SPTBN1: variants seen among roughly 807,000 people sequenced by gnomAD.
SPTBN1 encodes spectrin beta, non-erythrocytic 1.
SPTBN1 carries 32 observed loss-of-function variants against 266.4 expected under a neutral mutation model. That is an observed-to-expected ratio of 0.12 (90% CI 0.09 to 0.16). The LOEUF is 0.16. Ranked by LOEUF, SPTBN1 falls within the 10% of genes least tolerant of loss-of-function variation. The pLI is 1.00. For synonymous variants in SPTBN1, 1,336 were observed against 1,162.2 expected (o/e 1.15, Z -3.04); for missense variants, 2,296 against 3,067.1 (o/e 0.75, Z 5.94).
chr2:54,599,207 C>G lies in SPTBN1; in HGVS notation c.264C>G (p.Leu88=), dbSNP rs1484220985. The G allele has an allele frequency of 1.2e-6, 2 of 1,614,156 alleles. No homozygotes were observed. Among genetic ancestry groups the G allele is most frequent in the South Asian group, 2.2e-5 (2 of 91,074 alleles). Residue 88 remains leucine (L), a synonymous_variant, in exon 3 of 36, where the codon CTC becomes CTG. Coordinates refer to ENST00000356805, the MANE Select transcript of SPTBN1 (RefSeq NM_003128.3). The part of the protein sequence containing the change: ...LYTDLRDGRM[L]IKLLEVLSGE... ...CTGACCTTCGAGATGGACGGATGCTCATCAAGCTGCTGGAGGTCCTCTCTG... is the reference window on the plus strand; with the variant it reads ...CTGACCTTCGAGATGGACGGATGCTGATCAAGCTGCTGGAGGTCCTCTCTG...
At chr2:54,607,820 A>T (rs1226302879) in intron 3 of SPTBN1, among the ~76,000 whole-genome samples, 1 of 152,200 alleles carries the variant, frequency 6.6e-6, no homozygotes, top group African/African-American at 2.4e-5. Flanking sequence ...GCCTCTGCAC[A>T]TAATCTTATT....
At position 54,581,577 on chromosome 2, in the gene SPTBN1, C is replaced by CTTTTTTTTTTTTTTTTTT. The variant is rs70944181; in HGVS notation, c.149-17509_149-17492dup. The stretch of plus-strand genomic sequence containing the variant: ...GCCTTCATGCTTTGGTTTCTTTGCC[C>CTTTTTTTTTTTTTTTTTT]TTTTTTTTTTTTTTTTTTTTTTTGA... On this transcript the variant is annotated intron_variant, in intron 2 of 35. Transcript: ENST00000356805. 4.8e-3 allele frequency among the ~76,000 whole-genome samples: 491 copies of CTTTTTTTTTTTTTTTTTT among 102,462 alleles called. 2 individuals carry two copies. The highest frequency in any genetic ancestry group is 6.3e-3 in the Admixed American group (57 of 8,982). 67.2% of individuals were successfully genotyped at this position (102,462 alleles called of 152,430 possible).
chr2:54,596,193 G>A (rs1408266647), intron 2 of SPTBN1, among the ~76,000 whole-genome samples: 1 of 152,168 alleles, frequency 6.6e-6, no homozygotes, highest in Non-Finnish European at 1.5e-5. Flanking sequence ...AGGGCCTCCT[G>A]CTCCTCCTCA....
chr2:54,641,001 T>G (rs1679501424), intron 18 of SPTBN1, among the ~76,000 whole-genome samples: 1 of 152,268 alleles, frequency 6.6e-6, no homozygotes, highest in South Asian at 2.1e-4. Flanking sequence ...ATGTGTCTGG[T>G]ACAGGGATGT....
intron 3 of SPTBN1, 104 bp from the exon 4 acceptor site, chr2:54,612,057 C>A: frequency 1.8e-6 from 2 of 1,110,950 alleles, no homozygotes; most frequent in South Asian, 1.6e-5. Context: ...CTGCTCTGAG[C>A]GGGAGAGCAT....
rs568860063 is a variant in SPTBN1 at position 54,480,382 on chromosome 2, C to G, written c.-48+23864C>G. On this transcript the variant is annotated intron_variant, in intron 1 of 35. Coordinates refer to ENST00000356805, the MANE Select transcript of SPTBN1 (RefSeq NM_003128.3). Reference sequence around the variant, plus strand: ...AAAACAAAATCAAACAAAAAAGAAGCCAGAATGCCTGGTTAAATTTTAATT... The same window carrying G: ...AAAACAAAATCAAACAAAAAAGAAGGCAGAATGCCTGGTTAAATTTTAATT... Among the ~76,000 whole-genome samples the G allele has an allele frequency of 2.9e-3, 442 of 152,230 alleles. 1 individual carries two copies. The highest frequency in any genetic ancestry group is 4.5e-3 in the Admixed American group (69 of 15,294).
chr2:54,461,299 A>G (rs1373935523), intron 1 of SPTBN1, among the ~76,000 whole-genome samples: 1 of 152,094 alleles, frequency 6.6e-6, no homozygotes, highest in Non-Finnish European at 1.5e-5. Flanking sequence ...ATTCAGTTTC[A>G]CCTGCTGTAT....
At chr2:54,585,014 G>T (rs907401228) in intron 2 of SPTBN1, among the ~76,000 whole-genome samples, 1 of 152,156 alleles carries the variant, frequency 6.6e-6, no homozygotes, top group Admixed American at 6.5e-5. Flanking sequence ...TATGGGAAGA[G>T]ATTTACATTT....
At chr2:54,466,860 C>G (rs987456779) in intron 1 of SPTBN1, among the ~76,000 whole-genome samples, 1 of 152,088 alleles carries the variant, frequency 6.6e-6, no homozygotes, top group East Asian at 1.9e-4. Flanking sequence ...ACCAAACTTA[C>G]GGAAAAGCAG....
At position 54,626,317 on chromosome 2, in the gene SPTBN1, G is replaced by A. The variant is rs149928797; in HGVS notation, c.1644+83G>A. ...TGTGACTCATTCACTAAACCCCTACGTACAGCTGTGTGCCTTGTCTAACTG... is the reference window on the plus strand; with the variant it reads ...TGTGACTCATTCACTAAACCCCTACATACAGCTGTGTGCCTTGTCTAACTG... On this transcript the variant is annotated intron_variant, in intron 12 of 35. Coordinates refer to ENST00000356805, the MANE Select transcript of SPTBN1 (RefSeq NM_003128.3). The surrounding 1 kb of genome is among the most constrained non-coding windows in gnomAD (Gnocchi z 4.7). The A allele has an allele frequency of 1.1e-5, 16 of 1,467,582 alleles. No individual in the cohort carries two copies. The South Asian group carries it at 1.1e-4, about 10-fold the overall frequency. The allele number at this position is 1,467,582 out of a possible 1,614,324, so 90.9% of individuals were successfully genotyped here.
intron 26 of SPTBN1, among the ~76,000 whole-genome samples, chr2:54,650,227 C>T (rs1399887856): frequency 6.6e-6 from 1 of 152,134 alleles, no homozygotes; most frequent in Non-Finnish European, 1.5e-5. Context: ...AATAAATAAA[C>T]CAGATGCATA....
At chr2:54,612,627 G>T (rs1335335218) in intron 4 of SPTBN1, among the ~76,000 whole-genome samples, 1 of 152,188 alleles carries the variant, frequency 6.6e-6, no homozygotes, top group African/African-American at 2.4e-5. Context: ...CACTTTGCTG[G>T]CACCTGCTCT....
intron 2 of SPTBN1, among the ~76,000 whole-genome samples, chr2:54,551,619 G>C (rs1173009900): frequency 6.6e-6 from 1 of 152,144 alleles, no homozygotes; most frequent in East Asian, 1.9e-4. Flanking sequence ...ATTCAGGTCT[G>C]ATATGACCAG....
At chr2:54,590,583 A>G (rs1173604394) in intron 2 of SPTBN1, among the ~76,000 whole-genome samples, 1 of 152,252 alleles carries the variant, frequency 6.6e-6, no homozygotes, top group Non-Finnish European at 1.5e-5. Flanking sequence ...ATGATTGCTG[A>G]CATCTGATAG....
rs1425687473 is a variant in SPTBN1 at position 54,657,834 on chromosome 2, A to G, written c.6047-16A>G. 6.2e-7 allele frequency: 1 copy of G among 1,613,880 alleles called. No homozygotes were observed. The highest frequency in any genetic ancestry group is 8.5e-7 in the Non-Finnish European group (1 of 1,179,908). On this transcript the variant is annotated splice_polypyrimidine_tract_variant and intron_variant, in intron 29 of 35. Transcript: ENST00000356805. ...CCTCCTGGTCAACGTGTACTAACTCATGGTACCCTGTGCAGTTCTGGAGGT... is the reference window on the plus strand; with the variant it reads ...CCTCCTGGTCAACGTGTACTAACTCGTGGTACCCTGTGCAGTTCTGGAGGT...
intron 2 of SPTBN1, among the ~76,000 whole-genome samples, chr2:54,588,747 G>A (rs1250489731): frequency 6.6e-6 from 1 of 152,188 alleles, no homozygotes; most frequent in African/African-American, 2.4e-5. Context: ...AGGTTAATGG[G>A]CTCAGGATAT....
rs1310554691 is a variant in SPTBN1, at chr2:54,649,857, G to T, written c.5445G>T (p.Lys1815Asn). 1 of 1,614,230 alleles carries T rather than the reference G, an allele frequency of 6.2e-7. No individual in the cohort carries two copies. The highest frequency in any genetic ancestry group is 1.7e-5 in the Admixed American group (1 of 60,020). ...YELHKFYHDA[K>N]EIFGRIQDKH... ...TGCACAAGTTTTACCACGATGCCAA[G>T]GAGATCTTTGGGCGTATACAGGACA... The change falls in exon 26 of 36, where the codon AAG becomes AAT. Residue 1815 changes from lysine to asparagine, a missense_variant. This residue lies in a region of SPTBN1 where 644 missense variants were observed against 745.3 expected (regional missense o/e 0.86). Coordinates refer to ENST00000356805, the MANE Select transcript of SPTBN1 (RefSeq NM_003128.3). The surrounding 1 kb of genome is among the most constrained non-coding windows in gnomAD (Gnocchi z 6.7).
At chr2:54,641,993 A>T (rs1679597572) in intron 18 of SPTBN1, among the ~76,000 whole-genome samples, 1 of 152,200 alleles carries the variant, frequency 6.6e-6, no homozygotes, top group Admixed American at 6.5e-5. Flanking sequence ...TCTCACGGTC[A>T]CTCAGGAGAA....
Position 54,520,808 on chromosome 2 carries a change from G to A in SPTBN1, c.-47-5564G>A, listed in dbSNP as rs570087061. ...TTTATTCATTCAAAAGTTATTTAAC[G>A]AGCTCCTACTGTGGTGAGCAAGTCC... On this transcript the variant is annotated intron_variant, in intron 1 of 35. Transcript: ENST00000356805. Among the ~76,000 whole-genome samples, 140 of 152,056 alleles carry A rather than the reference G, an allele frequency of 9.2e-4. 5 individuals are homozygous for A. The South Asian group carries it at 0.028, about 31-fold the overall frequency.
Sources: gnomAD v4.1 joint callset for allele counts (sites outside exome capture counted in the v4.1 genomes callset) on GRCh38, gnomAD v4.1.1 for gene constraint, gnomAD v4.1.1 regional missense constraint, Gnocchi (gnomAD v3.1) non-coding constraint, MANE v1.5 for transcripts, NCBI Gene and HGNC (gene_info 2026-07-23, HGNC 2026-07-21) for gene names.